Variants in TEX15 observed in about 807,000 individuals in gnomAD.
TEX15 encodes the protein testis-expressed protein 15.
In TEX15, 171 loss-of-function variants were observed where a neutral mutation model predicts 237.3. That is an observed-to-expected ratio of 0.72 (90% CI 0.64 to 0.82). The LOEUF is 0.82. Ranked by LOEUF, TEX15 falls within the 40% of genes least tolerant of loss-of-function variation. TEX15 has a pLI of 0.00. For missense variants in TEX15, 3,750 were observed against 3,646.5 expected (o/e 1.03, Z -0.73); for synonymous variants, 1,338 against 1,269.8 (o/e 1.05, Z -1.14).
intron 8 of TEX15, 141 bp downstream of exon 8, chr8:30,841,862 CA>C: frequency 1.9e-6 from 1 of 513,120 alleles, no homozygotes; most frequent in Non-Finnish European, 3.3e-6. Context: ...TTGTTTAAAT[CA>C]ATATTATAGT....
In TEX15 at chr8:30,844,687, C is replaced by G; in HGVS notation, c.5480G>C (p.Gly1827Ala). The G allele has an allele frequency of 6.2e-7, 1 of 1,613,188 alleles. No individual in the cohort carries two copies. The highest frequency in any genetic ancestry group is 8.5e-7 in the Non-Finnish European group (1 of 1,179,548). Residue 1827 changes from glycine to alanine, a missense_variant, in exon 8 of 11, where the codon GGC (glycine) becomes GCC (alanine). By Grantham distance (60) the Gly-to-Ala change is moderately conservative. Coordinates refer to ENST00000643185, the MANE Select transcript of TEX15 (RefSeq NM_001350162.2). ...CACAATACATGTTTCTGAAGAGGAG[C>G]CTTTTACATTATCTTTTAAAAGCAG... Reference protein sequence around the residue: ...SSLLLKDNVKGSSSETCIVKK... With the variant: ...SSLLLKDNVKASSSETCIVKK...
At chr8:30,860,709 C>G (rs776686287) in intron 5 of TEX15, among the ~76,000 whole-genome samples, 1 of 151,600 alleles carries the variant, frequency 6.6e-6, no homozygotes, top group Non-Finnish European at 1.5e-5. Context: ...GATTACATGC[C>G]CAGCTAATTT....
chr8:30,837,095 CCCT>C lies in TEX15; in HGVS notation c.9186_9188del (p.Gly3063del), dbSNP rs769095499. The C allele has an allele frequency of 6.2e-7, 1 of 1,614,120 alleles. No individual in the cohort carries two copies. Among genetic ancestry groups the C allele is most frequent in the Non-Finnish European group, 8.5e-7 (1 of 1,180,032 alleles). On this transcript the variant is annotated inframe_deletion, in exon 10 of 11. Transcript: ENST00000643185. Reference sequence around the variant, plus strand: ...ATGGCTGTACTTCATATGATGTTATCCCTTGGTATGTCTGGGTAATGGCATTGC... The same window carrying C: ...ATGGCTGTACTTCATATGATGTTATCTGGTATGTCTGGGTAATGGCATTGC...
At chr8:30,886,966 TTAGG>T in intron 3 of TEX15, 197 bp downstream of exon 3, 2 of 428,256 alleles carry the variant, frequency 4.7e-6, no homozygotes, top group Non-Finnish European at 8.0e-6. Flanking sequence ...TCCAGGGTTT[TTAGG>T]TGTACTTAGT....
Position 30,844,720 on chromosome 8 carries a change from T to C in TEX15, c.5447A>G (p.Asp1816Gly), listed in dbSNP as rs1298504960. 2.5e-6 allele frequency: 4 copies of C among 1,613,258 alleles called. No homozygotes were observed. The highest frequency in any genetic ancestry group is 1.7e-5 in the Admixed American group (1 of 59,950). Residue 1816 changes from aspartate to glycine, a missense_variant, in exon 8 of 11, where the codon GAT (aspartate) becomes GGT (glycine). Coordinates refer to ENST00000643185, the MANE Select transcript of TEX15 (RefSeq NM_001350162.2). ...ATTATCTTTTAAAAGCAGAGAACTA[T>C]CACTGGAAGATAATTCCACTATATT... ...GENIVELSSS[D>G]SSLLLKDNVK...
Position 30,846,653 on chromosome 8 carries a change from C to G in TEX15, c.3514G>C (p.Ala1172Pro). Residue 1172 changes from alanine (A) to proline (P), a missense_variant, in exon 8 of 11, where the codon GCT becomes CCT. Ala to Pro is a conservative substitution (Grantham distance 27, BLOSUM62 -1). Coordinates refer to ENST00000643185, the MANE Select transcript of TEX15 (RefSeq NM_001350162.2). ...CTATCTTTCAATGCAAGGGAGTCAGCTGTCGGGCTGAATCCTGGCCTAAAT... is the reference window on the plus strand; with the variant it reads ...CTATCTTTCAATGCAAGGGAGTCAGGTGTCGGGCTGAATCCTGGCCTAAAT... The part of the protein sequence containing the change: ...NIFRPGFSPT[A>P]DSLALKDSFC... The G allele has an allele frequency of 6.2e-7, 1 of 1,613,870 alleles. No individual in the cohort carries two copies. Among genetic ancestry groups the G allele is most frequent in the Non-Finnish European group, 8.5e-7 (1 of 1,179,826 alleles).
chr8:30,912,200 G>A (rs2128780978), intron 1 of TEX15, among the ~76,000 whole-genome samples: 1 of 152,268 alleles, frequency 6.6e-6, no homozygotes, highest in Non-Finnish European at 1.5e-5. Context: ...AGGCGGGCAT[G>A]GTCCGAGCGC....
At chr8:30,839,392 C>T (rs1034276998) in intron 9 of TEX15, among the ~76,000 whole-genome samples, 4 of 151,766 alleles carry the variant, frequency 2.6e-5, no homozygotes, top group Non-Finnish European at 5.9e-5. Flanking sequence ...CATTAAAATG[C>T]CAGTTTTGAA....
At position 30,845,844 on chromosome 8, in the gene TEX15, A is replaced by G. The variant is rs1807590442; in HGVS notation, c.4323T>C (p.Tyr1441=). Residue 1441 remains tyrosine, a synonymous_variant, in exon 8 of 11, where the codon TAT becomes TAC. Transcript: ENST00000643185. ...TTTTTGACGAAAAATGCTTAGTAGA[A>G]TAATATTTTCTTTGAGACACAGAAC... ...GYSSVSQRKY[Y]STKHFSSKRK... is the part of the protein sequence containing the mutation. 6.2e-7 allele frequency: 1 copy of G among 1,610,386 alleles called. No homozygotes were observed. The highest frequency in any genetic ancestry group is 1.7e-4 in the Middle Eastern group (1 of 6,030).
At chr8:30,852,305 C>A (rs1469226604) in intron 7 of TEX15, among the ~76,000 whole-genome samples, 1 of 151,744 alleles carries the variant, frequency 6.6e-6, no homozygotes, top group Admixed American at 6.6e-5. Context: ...CAGGGTTTCA[C>A]CGTGGTCTCG....
intron 9 of TEX15, 109 bp from the exon 10 acceptor site, chr8:30,838,170 TTAC>T: frequency 9.8e-7 from 1 of 1,024,798 alleles, no homozygotes; most frequent in Non-Finnish European, 1.4e-6. Flanking sequence ...TTCTTAAGCT[TTAC>T]GTTTTCCCAT....
chr8:30,861,389 A>T (rs1156426203), intron 5 of TEX15, among the ~76,000 whole-genome samples: 1 of 152,204 alleles, frequency 6.6e-6, no homozygotes, highest in Non-Finnish European at 1.5e-5. Flanking sequence ...ACAACAAATG[A>T]TTTAAAAACT....
chr8:30,888,691 C>T (rs1808719329), intron 2 of TEX15: 1 of 1,269,138 alleles, frequency 7.9e-7, no homozygotes, highest in Non-Finnish European at 1.0e-6. Context: ...TTAGTTCCAA[C>T]ATTAGATCAC....
chr8:30,899,377 G>A lies in TEX15; in HGVS notation c.-85-560C>T, dbSNP rs566403316. The stretch of plus-strand genomic sequence containing the variant: ...TCCGAGGTAACCAAACTGGTAAGTT[G>A]GTTTTCAAGTCCAGGCCTGATGCTT... On this transcript the variant is annotated intron_variant, in intron 1 of 10. Transcript: ENST00000643185. Among the ~76,000 whole-genome samples the A allele has an allele frequency of 4.6e-5, 7 of 152,222 alleles. No homozygotes were observed. The East Asian group carries it at 1.2e-3, about 25-fold the overall frequency.
At chr8:30,899,461 A>G (rs901987329) in intron 1 of TEX15, among the ~76,000 whole-genome samples, 1 of 152,122 alleles carries the variant, frequency 6.6e-6, no homozygotes, top group African/African-American at 2.4e-5. Context: ...TGTGCGTGTG[A>G]GACAGTCTCA....
intron 2 of TEX15, among the ~76,000 whole-genome samples, chr8:30,888,236 G>A (rs2128776290): frequency 6.6e-6 from 1 of 151,844 alleles, no homozygotes; most frequent in Non-Finnish European, 1.5e-5. Context: ...TTTTTAAAAA[G>A]CATTTTTTTC....
At chr8:30,840,122 C>T (rs1370605065) in intron 8 of TEX15, among the ~76,000 whole-genome samples, 158 bp from the exon 9 acceptor site, 1 of 152,104 alleles carries the variant, frequency 6.6e-6, no homozygotes, top group African/African-American at 2.4e-5. Flanking sequence ...CAGTGACTCT[C>T]CTAGACTTCC....
chr8:30,846,760 A>AT lies in TEX15; in HGVS notation c.3406_3407insA (p.Phe1136TyrfsTer9). 2 of 1,613,836 alleles carry AT rather than the reference A, an allele frequency of 1.2e-6. No homozygotes were observed. Among genetic ancestry groups the AT allele is most frequent in the Non-Finnish European group, 1.7e-6 (2 of 1,179,776 alleles). ...TTCATTGTTTTGTGTAGAGGAATAA[A>AT]AATAGTTACTTTCCTTAGAATAATG... On this transcript the variant is annotated frameshift_variant, in exon 8 of 11. Coordinates refer to ENST00000643185, the MANE Select transcript of TEX15 (RefSeq NM_001350162.2). LOFTEE classifies it high-confidence loss of function.
At chr8:30,906,029 A>T (rs1809096793) in intron 1 of TEX15, among the ~76,000 whole-genome samples, 1 of 150,590 alleles carries the variant, frequency 6.6e-6, no homozygotes, top group African/African-American at 2.5e-5. Flanking sequence ...TGGGAAAAAA[A>T]TAACAGTATT....
Sources: gnomAD v4.1 joint callset for allele counts (sites outside exome capture counted in the v4.1 genomes callset) on GRCh38, gnomAD v4.1.1 for gene constraint, MANE v1.5 for transcripts, NCBI Gene and HGNC (gene_info 2026-07-23, HGNC 2026-07-21) for gene names.